Variants in ATRNL1 observed in about 807,000 individuals in gnomAD.
ATRNL1 encodes the protein attractin-like protein 1.
ATRNL1 carries 95 observed loss-of-function variants against 182.7 expected under a neutral mutation model. That is an observed-to-expected ratio of 0.52 (90% CI 0.44 to 0.62). ATRNL1 has a LOEUF of 0.62. Ranked by LOEUF, ATRNL1 falls within the 20% of genes least tolerant of loss-of-function variation. The pLI is 0.00. For synonymous variants in ATRNL1, 576 were observed against 568.3 expected (o/e 1.01, Z -0.19); for missense variants, 1,471 against 1,679.5 (o/e 0.88, Z 2.17).
chr10:115,779,887 A>T (rs1344466030), intron 27 of ATRNL1, among the ~76,000 whole-genome samples: 3 of 152,180 alleles, frequency 2.0e-5, no homozygotes, highest in African/African-American at 7.2e-5. Flanking sequence ...TCCTGGAAAA[A>T]TGGTTCTTTG....
At position 115,127,730 on chromosome 10, in the gene ATRNL1, T is replaced by G; in HGVS notation, c.620+9T>G. 7.2e-7 allele frequency: 1 copy of G among 1,392,440 alleles called. No individual in the cohort carries two copies. The highest frequency in any genetic ancestry group is 2.9e-5 in the Admixed American group (1 of 34,576). 86.3% of individuals were successfully genotyped at this position (1,392,440 alleles called of 1,614,324 possible). A position where few individuals can be genotyped will look rare whatever the true frequency, so the allele number is the denominator to read the frequency against. Reference sequence around the variant, plus strand: ...TTCAACATTTTCTATTCGTAAGTATTTTTTAAAAATTCCTTCTTTTAATGA... The same window carrying G: ...TTCAACATTTTCTATTCGTAAGTATGTTTTAAAAATTCCTTCTTTTAATGA... On this transcript the variant is annotated intron_variant, in intron 4 of 28. Transcript: ENST00000355044.
intron 15 of ATRNL1, among the ~76,000 whole-genome samples, chr10:115,297,329 CTT>C (rs1471784373): frequency 1.3e-5 from 2 of 152,046 alleles, no homozygotes; most frequent in African/African-American, 4.8e-5. Context: ...AGCTTTATTT[CTT>C]TTACTACAAA....
At chr10:115,259,680 A>C (rs1554908198) in intron 10 of ATRNL1, among the ~76,000 whole-genome samples, 1 of 152,146 alleles carries the variant, frequency 6.6e-6, no homozygotes. Flanking sequence ...AAATGCAGAA[A>C]TCACCCATCC....
Position 115,834,526 on chromosome 10 carries a change from A to G in ATRNL1, c.3904-13351A>G, listed in dbSNP as rs1057404419. Among the ~76,000 whole-genome samples the G allele has an allele frequency of 3.9e-5, 6 of 152,214 alleles. No homozygotes were observed. The East Asian group carries it at 1.2e-3, about 29-fold the overall frequency. Reference sequence around the variant, plus strand: ...AAGTTTGTTTGCCTGTCTCTAGGCAAACCTCTATATTTTATTGGAATGTTC... The same window carrying G: ...AAGTTTGTTTGCCTGTCTCTAGGCAGACCTCTATATTTTATTGGAATGTTC... On this transcript the variant is annotated intron_variant, in intron 27 of 28. Transcript: ENST00000355044.
intron 26 of ATRNL1, among the ~76,000 whole-genome samples, chr10:115,689,271 T>C (rs945534294): frequency 2.6e-5 from 4 of 152,168 alleles, no homozygotes; most frequent in Non-Finnish European, 5.9e-5. Context: ...ACAATTTTTT[T>C]GTGTGGTTTG....
At chr10:115,180,122 T>A (rs1046628646) in intron 8 of ATRNL1, among the ~76,000 whole-genome samples, 5 of 152,014 alleles carry the variant, frequency 3.3e-5, no homozygotes, top group African/African-American at 1.2e-4. Flanking sequence ...TTTATTTTTT[T>A]AAAAGCCCAT....
At position 115,735,306 on chromosome 10, in the gene ATRNL1, C is replaced by T. The variant is rs566737192; in HGVS notation, c.3903+7951C>T. 1.5e-3 allele frequency among the ~76,000 whole-genome samples: 229 copies of T among 152,192 alleles called. 10 individuals carry two copies. The South Asian group carries it at 0.046, about 31-fold the overall frequency. The stretch of plus-strand genomic sequence containing the variant: ...ATCTAAGAAATGTATTTAAAATATA[C>T]TTTATCAAGCATTCTAGTTATCTTT... On this transcript the variant is annotated intron_variant, in intron 27 of 28. Coordinates refer to ENST00000355044, the MANE Select transcript of ATRNL1 (RefSeq NM_207303.4).
At chr10:115,539,274 C>A (rs1852217577) in intron 25 of ATRNL1, among the ~76,000 whole-genome samples, 1 of 151,620 alleles carries the variant, frequency 6.6e-6, no homozygotes, top group South Asian at 2.1e-4. Flanking sequence ...AAAGGAAAAA[C>A]CTTTCCATTT....
chr10:115,894,120 A>T (rs1411352407), intron 28 of ATRNL1, among the ~76,000 whole-genome samples: 2 of 152,194 alleles, frequency 1.3e-5, no homozygotes, highest in Admixed American at 6.5e-5. Context: ...AACATAACTG[A>T]CATGGAATCA....
chr10:115,501,830 T>C (rs1229886751), intron 24 of ATRNL1, among the ~76,000 whole-genome samples: 2 of 152,200 alleles, frequency 1.3e-5, no homozygotes, highest in Non-Finnish European at 2.9e-5. Flanking sequence ...TTAATTCCTG[T>C]TCTGCTTGAC....
intron 10 of ATRNL1, among the ~76,000 whole-genome samples, chr10:115,264,612 A>G (rs1363290744): frequency 6.6e-6 from 1 of 151,546 alleles, no homozygotes; most frequent in Admixed American, 6.6e-5. Context: ...CATAGTTTCT[A>G]TATAGTTCAT....
chr10:115,212,050 G>GA lies in ATRNL1; in HGVS notation c.1349-3647_1349-3646insA, dbSNP rs578176090. ...AATTTTAACTTTTATTTTAGATTCAGGGGGTGAATCTCAATGCAGGTTTGT... is the reference window on the plus strand; with the variant it reads ...AATTTTAACTTTTATTTTAGATTCAGAGGGGTGAATCTCAATGCAGGTTTGT... On this transcript the variant is annotated intron_variant, in intron 8 of 28. Coordinates refer to ENST00000355044, the MANE Select transcript of ATRNL1 (RefSeq NM_207303.4). 4.0e-5 allele frequency among the ~76,000 whole-genome samples: 6 copies of GA among 150,674 alleles called. No homozygotes were observed. In the South Asian group the frequency reaches 1.3e-3, roughly 32 times the overall value.
At chr10:115,754,546 T>C (rs1291582641) in intron 27 of ATRNL1, among the ~76,000 whole-genome samples, 1 of 152,226 alleles carries the variant, frequency 6.6e-6, no homozygotes. Flanking sequence ...TCTGTTTTGG[T>C]ACCAGTACCA....
intron 27 of ATRNL1, among the ~76,000 whole-genome samples, chr10:115,812,994 T>C (rs897662957): frequency 2.0e-5 from 3 of 152,146 alleles, no homozygotes; most frequent in African/African-American, 7.2e-5. Context: ...AGAGTGAATA[T>C]GGATGTCTTC....
At chr10:115,706,532 T>C (rs7900551) in intron 26 of ATRNL1, among the ~76,000 whole-genome samples, 57,222 of 151,620 alleles carry the variant, frequency 0.38, 11,717 homozygotes, top group East Asian at 0.65. Flanking sequence ...AATCACATAG[T>C]GCACTTTTAT....
At chr10:115,506,879 A>G (rs1850141563) in intron 24 of ATRNL1, among the ~76,000 whole-genome samples, 1 of 152,036 alleles carries the variant, frequency 6.6e-6, no homozygotes, top group Non-Finnish European at 1.5e-5. Context: ...AACCCCCAAA[A>G]TCTGAGACAG....
intron 21 of ATRNL1, among the ~76,000 whole-genome samples, chr10:115,436,194 C>A (rs187494409): frequency 3.3e-5 from 5 of 152,028 alleles, no homozygotes; most frequent in Admixed American, 2.6e-4. Flanking sequence ...TTGAACATTT[C>A]TTTCAAATGA....
intron 26 of ATRNL1, among the ~76,000 whole-genome samples, chr10:115,582,921 T>A (rs1370754942): frequency 1.3e-5 from 2 of 149,480 alleles, no homozygotes; most frequent in Admixed American, 1.3e-4. Context: ...TTGATTTTTG[T>A]ATAAGGTGTA....
intron 1 of ATRNL1, among the ~76,000 whole-genome samples, chr10:115,119,683 T>TA (rs1253198181): frequency 1.3e-5 from 2 of 152,006 alleles, no homozygotes; most frequent in Non-Finnish European, 2.9e-5. Flanking sequence ...AAAATGATAA[T>TA]AAAAAATATA....
Sources: gnomAD v4.1 joint callset for allele counts (sites outside exome capture counted in the v4.1 genomes callset) on GRCh38, gnomAD v4.1.1 for gene constraint, MANE v1.5 for transcripts, NCBI Gene and HGNC (gene_info 2026-07-23, HGNC 2026-07-21) for gene names.